The following GRIA1 variants were observed in gnomAD, a reference collection of about 807,000 sequenced individuals.
GRIA1 encodes glutamate receptor 1.
In GRIA1, 31 loss-of-function variants were observed where a neutral mutation model predicts 99.2. The observed-to-expected ratio is 0.31, with a 90% CI of 0.23 to 0.42. GRIA1 has a LOEUF of 0.42. Among genes scored for constraint, GRIA1 ranks in the 10% least tolerant of loss-of-function variants. GRIA1 has a pLI of 1.00. For missense variants in GRIA1, 782 were observed against 1,157.5 expected, an observed-to-expected ratio of 0.68 and a Z score of 4.71; for synonymous variants, 438 against 432.4, an observed-to-expected ratio of 1.01 and a Z score of -0.16.
At chr5:153,544,997 G>C (rs1431969839) in intron 2 of GRIA1, among the ~76,000 whole-genome samples, 1 of 152,130 alleles carries the variant, frequency 6.6e-6, no homozygotes, top group Non-Finnish European at 1.5e-5. Flanking sequence ...CTAACCTTTA[G>C]CTTCCTCTTC....
At chr5:153,612,352 A>G (rs1018590973) in intron 2 of GRIA1, among the ~76,000 whole-genome samples, 7 of 152,250 alleles carry the variant, frequency 4.6e-5, no homozygotes, top group African/African-American at 1.7e-4. Context: ...AGTTGATACT[A>G]TTAACCAACC....
chr5:153,725,371 T>C (rs1340932428), intron 11 of GRIA1, among the ~76,000 whole-genome samples: 9 of 149,056 alleles, frequency 6.0e-5, no homozygotes, highest in Non-Finnish European at 8.9e-5. Context: ...AACATCATCA[T>C]GACAGGATCA....
intron 11 of GRIA1, among the ~76,000 whole-genome samples, chr5:153,733,133 T>C (rs561663021): frequency 1.3e-5 from 2 of 152,052 alleles, no homozygotes; most frequent in East Asian, 3.9e-4. Context: ...TTGTTATATA[T>C]ATGTTGTAGA....
rs1475999997 is a variant in GRIA1 at position 153,699,025 on chromosome 5, C to T, written c.1404C>T (p.Asp468=). Residue 468 remains aspartate, a synonymous_variant, in exon 10 of 16, where the codon GAC becomes GAT. Transcript: ENST00000285900. ...GTGATGGAAAATACGGAGCCCGAGACCCTGACACGAAGGCCTGGAATGGCA... is the reference window on the plus strand; with the variant it reads ...GTGATGGAAAATACGGAGCCCGAGATCCTGACACGAAGGCCTGGAATGGCA... The part of the protein sequence containing the change: ...IVSDGKYGAR[D]PDTKAWNGMV... 1.2e-6 allele frequency: 2 copies of T among 1,613,844 alleles called. No homozygotes were observed. The highest frequency in any genetic ancestry group is 2.7e-5 in the African/African-American group (2 of 74,896).
intron 11 of GRIA1, among the ~76,000 whole-genome samples, chr5:153,757,852 A>T (rs1762930505): frequency 6.6e-6 from 1 of 152,186 alleles, no homozygotes; most frequent in Non-Finnish European, 1.5e-5. Flanking sequence ...ACAATAAAAC[A>T]TCTGAAGTTA....
intron 13 of GRIA1, among the ~76,000 whole-genome samples, chr5:153,790,234 C>T (rs369335923): frequency 1.3e-5 from 2 of 152,306 alleles, no homozygotes; most frequent in South Asian, 2.1e-4. Context: ...GGAATACCCA[C>T]GTATTCTCTG....
chr5:153,794,255 C>T (rs575122191), intron 13 of GRIA1, among the ~76,000 whole-genome samples: 5 of 152,110 alleles, frequency 3.3e-5, no homozygotes, highest in Non-Finnish European at 5.9e-5. Flanking sequence ...CCATGAGCAC[C>T]GATGCCCGTC....
intron 2 of GRIA1, among the ~76,000 whole-genome samples, chr5:153,498,556 T>C (rs1754661459): frequency 1.3e-5 from 2 of 152,186 alleles, no homozygotes; most frequent in South Asian, 4.1e-4. Context: ...GTCATGGACC[T>C]ACTGGGGAAG....
rs560381968 is a variant in GRIA1, at chr5:153,657,632, C to T, written c.699+1760C>T. Among the ~76,000 whole-genome samples, 17 of 152,288 alleles carry T rather than the reference C, an allele frequency of 1.1e-4. No homozygotes were observed. The South Asian group carries it at 3.5e-3, about 32-fold the overall frequency. ...AGGGTGCATGAATCTAAAAATGTGACCAAAGCATCCTGCCTAATCCAGAAA... is the reference window on the plus strand; with the variant it reads ...AGGGTGCATGAATCTAAAAATGTGATCAAAGCATCCTGCCTAATCCAGAAA... On this transcript the variant is annotated intron_variant, in intron 5 of 15. Coordinates refer to ENST00000285900, the MANE Select transcript of GRIA1 (RefSeq NM_000827.4).
intron 8 of GRIA1, among the ~76,000 whole-genome samples, chr5:153,690,357 G>A (rs887116490): frequency 6.6e-6 from 1 of 152,102 alleles, no homozygotes; most frequent in Admixed American, 6.6e-5. Flanking sequence ...GACAGACCAG[G>A]ATTTTAAGTC....
At chr5:153,692,192 C>T (rs995735448) in intron 8 of GRIA1, among the ~76,000 whole-genome samples, 1 of 152,190 alleles carries the variant, frequency 6.6e-6, no homozygotes, top group Admixed American at 6.5e-5. Flanking sequence ...ACCTTGGAAA[C>T]GACATCCTTG....
chr5:153,776,669 C>G (rs908799745), intron 13 of GRIA1, among the ~76,000 whole-genome samples: 1 of 152,114 alleles, frequency 6.6e-6, no homozygotes, highest in Non-Finnish European at 1.5e-5. Context: ...TTTTTTCTCT[C>G]TTCACACAAC....
intron 11 of GRIA1, among the ~76,000 whole-genome samples, chr5:153,734,836 C>T (rs1431259329): frequency 6.6e-6 from 1 of 152,168 alleles, no homozygotes; most frequent in African/African-American, 2.4e-5. Flanking sequence ...GTTTGTGAGC[C>T]ATTGTCAGGA....
At chr5:153,725,289 A>C (rs1227442901) in intron 11 of GRIA1, among the ~76,000 whole-genome samples, 1 of 151,838 alleles carries the variant, frequency 6.6e-6, no homozygotes, top group Non-Finnish European at 1.5e-5. Flanking sequence ...GCCACTGCAA[A>C]ATCATGCCAA....
intron 5 of GRIA1, among the ~76,000 whole-genome samples, chr5:153,656,203 A>T (rs1010821436): frequency 4.6e-5 from 7 of 152,020 alleles, no homozygotes; most frequent in Non-Finnish European, 8.8e-5. Context: ...AGATGTCTTG[A>T]TCTTACTGGT....
At chr5:153,782,943 CAGTGG>C (rs1764731134) in intron 13 of GRIA1, among the ~76,000 whole-genome samples, 1 of 152,132 alleles carries the variant, frequency 6.6e-6, no homozygotes, top group South Asian at 2.1e-4. Flanking sequence ...ATGAGAGATA[CAGTGG>C]AGCTGCAAGA....
intron 2 of GRIA1, among the ~76,000 whole-genome samples, chr5:153,505,298 C>T (rs975971443): frequency 1.3e-5 from 2 of 152,114 alleles, no homozygotes; most frequent in East Asian, 3.9e-4. Context: ...TGTGGAGCAT[C>T]GTGGTAGATG....
intron 2 of GRIA1, among the ~76,000 whole-genome samples, chr5:153,632,851 C>T (rs749792413): frequency 1.9e-4 from 29 of 152,126 alleles, no homozygotes; most frequent in Non-Finnish European, 3.5e-4. Flanking sequence ...AAGATACATG[C>T]TAAGACAGAA....
chr5:153,531,277 G>C (rs1327726506), intron 2 of GRIA1, among the ~76,000 whole-genome samples: 1 of 152,156 alleles, frequency 6.6e-6, no homozygotes, highest in Admixed American at 6.5e-5. Flanking sequence ...GGTGGTTGTA[G>C]GGTCAGTCAG....
Sources: allele counts gnomAD v4.1 joint callset (sites outside exome capture counted in the v4.1 genomes callset), GRCh38; gene constraint gnomAD v4.1.1; transcripts MANE v1.5; gene names NCBI Gene and HGNC (gene_info 2026-07-23, HGNC 2026-07-21).